The following GALNT13 variants were observed in gnomAD, a reference collection of about 807,000 sequenced individuals.
The protein encoded by GALNT13 is polypeptide N-acetylgalactosaminyltransferase 13, also known as UDP-GalNAc:polypeptide N-acetylgalactosaminyltransferase 13.
GALNT13 carries 28 observed loss-of-function variants against 64.2 expected under a neutral mutation model. The observed-to-expected ratio is 0.44, with a 90% confidence interval of 0.32 to 0.60. The LOEUF is 0.60. Ranked by LOEUF, GALNT13 falls within the 20% of genes least tolerant of loss-of-function variation. The pLI is 0.05. For synonymous variants in GALNT13, 214 were observed against 224.6 expected, an observed-to-expected ratio of 0.95 and a Z score of 0.42; for missense variants, 577 against 669.8, an observed-to-expected ratio of 0.86 and a Z score of 1.53.
chr2:153,422,957 A>G, the GALNT13 span, among the ~76,000 whole-genome samples: 3 of 151,976 alleles, frequency 2.0e-5, no homozygotes. Flanking sequence ...GATAGTATCT[A>G]TTTTATTCAC....
At chr2:153,855,282 T>A in the GALNT13 span, among the ~76,000 whole-genome samples, 2 of 152,168 alleles carry the variant, frequency 1.3e-5, no homozygotes, top group African/African-American at 4.8e-5. Flanking sequence ...TTATAACCTA[T>A]AGGTAGGGAA....
chr2:153,439,205 T>C, the GALNT13 span, among the ~76,000 whole-genome samples: 152,217 of 152,224 alleles, frequency 1, 76,105 homozygotes, highest in Middle Eastern at 1. Flanking sequence ...GAATACCTGG[T>C]GGTGTGAGGT....
At chr2:154,089,717 A>G (rs1257172898) in intron 3 of GALNT13, among the ~76,000 whole-genome samples, 3 of 151,930 alleles carry the variant, frequency 2.0e-5, no homozygotes, top group African/African-American at 7.3e-5. Flanking sequence ...CAAATTCCAC[A>G]GACTCTTGCT....
chr2:153,701,676 A>G, the GALNT13 span, among the ~76,000 whole-genome samples: 2 of 152,214 alleles, frequency 1.3e-5, no homozygotes, highest in Non-Finnish European at 2.9e-5. Flanking sequence ...GGCAAAGGAT[A>G]TGAACAGACA....
At chr2:153,450,058 A>G in the GALNT13 span, among the ~76,000 whole-genome samples, 1 of 152,158 alleles carries the variant, frequency 6.6e-6, no homozygotes, top group Non-Finnish European at 1.5e-5. Flanking sequence ...GATAGAGTTG[A>G]CTGCTACAGA....
the GALNT13 span, among the ~76,000 whole-genome samples, chr2:153,630,801 A>ATT: frequency 6.3e-3 from 109 of 17,238 alleles, 1 homozygote; most frequent in African/African-American, 0.016. Context: ...ATATATATAT[A>ATT]TATATATTTT....
At chr2:153,752,901 T>C in the GALNT13 span, among the ~76,000 whole-genome samples, 1 of 152,182 alleles carries the variant, frequency 6.6e-6, no homozygotes, top group African/African-American at 2.4e-5. Flanking sequence ...TTTGAGGCTA[T>C]TTTCTAGATC....
intron 3 of GALNT13, among the ~76,000 whole-genome samples, chr2:153,965,479 C>T (rs1279664530): frequency 6.6e-6 from 1 of 151,990 alleles, no homozygotes; most frequent in Non-Finnish European, 1.5e-5. Context: ...TGTTTTATTT[C>T]AGAGAATCTC....
the GALNT13 span, among the ~76,000 whole-genome samples, chr2:153,866,244 C>T: frequency 0.71 from 99,661 of 140,022 alleles, 37,096 homozygotes; most frequent in Non-Finnish European, 0.81. Flanking sequence ...CGCACCAGCA[C>T]GGCACATGTA....
At chr2:153,841,272 C>T in the GALNT13 span, among the ~76,000 whole-genome samples, 1 of 152,014 alleles carries the variant, frequency 6.6e-6, no homozygotes, top group Non-Finnish European at 1.5e-5. Flanking sequence ...TAAAAAATTA[C>T]CACCTTTAAA....
chr2:153,133,074 G>A, the GALNT13 span, among the ~76,000 whole-genome samples: 500 of 149,048 alleles, frequency 3.4e-3, 2 homozygotes, highest in African/African-American at 0.011. Flanking sequence ...AAACGAGAGC[G>A]TGTTAAGGAA....
chr2:153,273,426 CT>C, the GALNT13 span, among the ~76,000 whole-genome samples: 1 of 152,248 alleles, frequency 6.6e-6, no homozygotes, highest in East Asian at 1.9e-4. Flanking sequence ...ATCTTTATGG[CT>C]TTAATTAACC....
chr2:153,827,572 G>C, the GALNT13 span, among the ~76,000 whole-genome samples: 1 of 148,676 alleles, frequency 6.7e-6, no homozygotes. Context: ...CTTGCAGTTA[G>C]CTGAGATCGT....
intron 4 of GALNT13, among the ~76,000 whole-genome samples, chr2:154,153,849 C>G (rs1202129895): frequency 3.9e-5 from 6 of 152,214 alleles, no homozygotes; most frequent in African/African-American, 1.4e-4. Context: ...CTTTCTTTGA[C>G]TAGGAAAGGG....
the GALNT13 span, among the ~76,000 whole-genome samples, chr2:153,274,482 A>G: frequency 1.3e-5 from 2 of 152,212 alleles, no homozygotes; most frequent in African/African-American, 4.8e-5. Context: ...TGTAGGAGAT[A>G]CTGCAGAGAA....
chr2:154,232,645 C>A (rs1688978568), intron 4 of GALNT13, among the ~76,000 whole-genome samples: 1 of 152,046 alleles, frequency 6.6e-6, no homozygotes, highest in Admixed American at 6.6e-5. Flanking sequence ...CTTTTGAAAT[C>A]AGATTGCATG....
At chr2:153,968,591 G>A (rs1693535848) in intron 3 of GALNT13, among the ~76,000 whole-genome samples, 1 of 152,174 alleles carries the variant, frequency 6.6e-6, no homozygotes, top group East Asian at 1.9e-4. Context: ...TGCATGGATA[G>A]TTGTTGAATT....
chr2:153,554,133 G>A, the GALNT13 span, among the ~76,000 whole-genome samples: 3 of 151,224 alleles, frequency 2.0e-5, no homozygotes, highest in East Asian at 2.0e-4. Context: ...TGGCTAACAC[G>A]GTGAAACCCT....
the GALNT13 span, among the ~76,000 whole-genome samples, chr2:153,086,189 C>T: frequency 6.6e-6 from 1 of 152,162 alleles, no homozygotes; most frequent in African/African-American, 2.4e-5. Context: ...TTTACAGGCT[C>T]ATAAGGTAAA....
Sources: gnomAD v4.1 joint callset for allele counts (sites outside exome capture counted in the v4.1 genomes callset) on GRCh38, gnomAD v4.1.1 for gene constraint, MANE v1.5 for transcripts, NCBI Gene and HGNC (gene_info 2026-07-23, HGNC 2026-07-21) for gene names.